The following PI16 variants were observed in gnomAD, a reference collection of about 807,000 sequenced individuals.
PI16 encodes PSP94-binding protein.
PI16 carries 35 observed loss-of-function variants against 38.0 expected under a neutral mutation model. The observed-to-expected ratio is 0.92, with a 90% CI of 0.70 to 1.22. PI16 has a LOEUF of 1.22. Among genes scored for constraint, PI16 ranks in the 50% most tolerant of loss-of-function variants. The pLI, the probability that PI16 is intolerant of heterozygous loss-of-function variation, is 0.00. For synonymous variants in PI16, 275 were observed against 252.9 expected (o/e 1.09, Z -0.83); for missense variants, 572 against 593.8 (o/e 0.96, Z 0.38).
At chr6:36,951,087 A>G (rs778453842), upstream of PI16, among the ~76,000 whole-genome samples, 1 of 152,114 alleles carries the variant, frequency 6.6e-6, no homozygotes, top group Non-Finnish European at 1.5e-5. Context: ...GTGGTATTTC[A>G]CTGTATTTCC....
At chr6:36,948,629 T>TCCTCCTTC (rs376605611) in intron 1 of PI16, among the ~76,000 whole-genome samples, 16 of 53,590 alleles carry the variant, frequency 3.0e-4, no homozygotes, top group African/African-American at 1.3e-3. Context: ...TTTCCTTCCT[T>TCCTCCTTC]CCTCCTTCCC....
chr6:36,964,213 G>C (rs527999227), intron 6 of PI16, among the ~76,000 whole-genome samples, 173 bp from the exon 7 acceptor site: 11 of 152,342 alleles, frequency 7.2e-5, no homozygotes, highest in African/African-American at 2.6e-4. Context: ...AGACTGTTCT[G>C]AGCGGTATTT....
upstream of PI16, among the ~76,000 whole-genome samples, chr6:36,952,877 A>G (rs1389109034): frequency 6.6e-6 from 1 of 152,206 alleles, no homozygotes; most frequent in African/African-American, 2.4e-5. Context: ...GAATCTGTAG[A>G]TTGCTTCAGG....
upstream of PI16, among the ~76,000 whole-genome samples, chr6:36,952,998 G>A (rs574978704): frequency 2.8e-4 from 43 of 152,182 alleles, no homozygotes; most frequent in Admixed American, 5.2e-4. Context: ...GATTTTCAGC[G>A]TACAAGTCTT....
Position 36,961,958 on chromosome 6 carries a change from CA to C in PI16, c.578del (p.Lys193ArgfsTer21), listed in dbSNP as rs1441537337. On this transcript the variant is annotated frameshift_variant, in exon 4 of 7. Transcript: ENST00000373674. LOFTEE classifies it high-confidence loss of function. ...CSQCPSGYHCKNSLCEPIGSP... is the reference protein window; with the variant it reads ...CSQCPSGYHCXNSLCEPIGSP... ...CCCAATGTCCCTCTGGCTACCACTG[CA>C]AGAACTCCCTCTGTGGTGAGTCCAC... 6 of 1,613,758 alleles carry C rather than the reference CA, an allele frequency of 3.7e-6. No homozygotes were observed. The highest frequency in any genetic ancestry group is 5.1e-6 in the Non-Finnish European group (6 of 1,179,762).
rs114551357 is a variant in PI16, at chr6:36,959,024, C to A, written c.172-121C>A. 6,087 of 878,138 alleles carry A rather than the reference C, an allele frequency of 6.9e-3. 38 individuals are homozygous for A. Among genetic ancestry groups the A allele is most frequent in the Middle Eastern group, 0.017 (50 of 2,884 alleles). 54.4% of individuals were successfully genotyped at this position (878,138 alleles called of 1,614,324 possible). A position where few individuals can be genotyped will look rare whatever the true frequency, so the allele number is the denominator to read the frequency against. On this transcript the variant is annotated intron_variant, in intron 1 of 6. Coordinates refer to ENST00000373674, the MANE Select transcript of PI16 (RefSeq NM_153370.3). ...GAGCAGAGACCTGTTCTAGGCCATGCCCAAGAGTCACCCTGCTAAGGAGGT... is the reference window on the plus strand; with the variant it reads ...GAGCAGAGACCTGTTCTAGGCCATGACCAAGAGTCACCCTGCTAAGGAGGT...
chr6:36,951,037 T>C (rs535436169), upstream of PI16, among the ~76,000 whole-genome samples: 2 of 152,326 alleles, frequency 1.3e-5, no homozygotes, highest in African/African-American at 4.8e-5. Context: ...TTTTCTGTTT[T>C]GTTTTGTTTC....
intron 2 of PI16, among the ~76,000 whole-genome samples, chr6:36,959,883 A>AT (rs1318152586): frequency 6.6e-5 from 10 of 150,424 alleles, no homozygotes; most frequent in African/African-American, 2.5e-4. Context: ...AAAAAAAAAA[A>AT]AATTAAATAA....
chr6:36,959,500 GCCCCCTCAGA>G, intron 2 of PI16, 134 bp downstream of exon 2: 1 of 858,840 alleles, frequency 1.2e-6, no homozygotes, highest in South Asian at 1.8e-5. Flanking sequence ...TTCACTCCAA[GCCCCCTCAGA>G]CACTTTGCAA....
At chr6:36,951,961 T>G (rs1222373879), upstream of PI16, among the ~76,000 whole-genome samples, 1 of 151,562 alleles carries the variant, frequency 6.6e-6, no homozygotes, top group Non-Finnish European at 1.5e-5. Context: ...ATCAGATACA[T>G]GATTTGCAAA....
upstream of PI16, chr6:36,954,409 A>G (rs971122103): frequency 2.1e-5 from 4 of 191,820 alleles, no homozygotes; most frequent in South Asian, 1.7e-4. Context: ...TCTCTTATCT[A>G]TCTTCAACAC....
chr6:36,962,226 G>C lies in PI16; in HGVS notation c.592+252G>C, dbSNP rs192149262. Among the ~76,000 whole-genome samples, 2 of 152,192 alleles carry C rather than the reference G, an allele frequency of 1.3e-5. No individual in the cohort carries two copies. The highest frequency in any genetic ancestry group is 6.5e-5 in the Admixed American group (1 of 15,282). ...TAGAAAGTCTGGCGGCTTCGGGGGGGCCCGCGCGAGGTGGGTGTCGCCACA... is the reference window on the plus strand; with the variant it reads ...TAGAAAGTCTGGCGGCTTCGGGGGGCCCCGCGCGAGGTGGGTGTCGCCACA... On this transcript the variant is annotated intron_variant, in intron 4 of 6. Coordinates refer to ENST00000373674, the MANE Select transcript of PI16 (RefSeq NM_153370.3). This position sits in a 1 kb window ranked among gnomAD's most constrained non-coding sequence, Gnocchi z 4.1.
chr6:36,956,938 T>A (rs547056009), intron 1 of PI16, among the ~76,000 whole-genome samples: 74 of 152,164 alleles, frequency 4.9e-4, no homozygotes, highest in Non-Finnish European at 8.8e-4. Context: ...AAGGTTCAAT[T>A]GTCCTTGAAA....
At chr6:36,952,453 T>G (rs1561892651), upstream of PI16, among the ~76,000 whole-genome samples, 2 of 152,236 alleles carry the variant, frequency 1.3e-5, no homozygotes, top group Non-Finnish European at 1.5e-5. Context: ...TGTTTAGGTA[T>G]TTAATCCATT....
At chr6:36,954,730 T>C (rs749696863), upstream of PI16, 11 of 1,595,762 alleles carry the variant, frequency 6.9e-6, no homozygotes, top group Middle Eastern at 1.7e-4. Flanking sequence ...GCCAGACCCC[T>C]GGACGGGAGA....
Position 36,954,930 on chromosome 6 carries a change from T to C in PI16, c.170T>C (p.Met57Thr). Residue 57 changes from methionine (M) to threonine (T), a missense_variant and splice_region_variant, in exon 1 of 7, where the codon ATG becomes ACG. Transcript: ENST00000373674. The part of the protein sequence containing the change: ...VSPTASDMLH[M>T]RWDEELAAFA... ...CCGACGGCCTCAGACATGCTGCACATGGTAAGTGTGGCCACGGCCCTTGCT... is the reference window on the plus strand; with the variant it reads ...CCGACGGCCTCAGACATGCTGCACACGGTAAGTGTGGCCACGGCCCTTGCT... 6.2e-7 allele frequency: 1 copy of C among 1,612,442 alleles called. No individual in the cohort carries two copies. The highest frequency in any genetic ancestry group is 8.5e-7 in the Non-Finnish European group (1 of 1,179,794).
At chr6:36,964,157 C>A (rs916420465) in intron 6 of PI16, among the ~76,000 whole-genome samples, 195 bp downstream of exon 6, 3 of 152,202 alleles carry the variant, frequency 2.0e-5, no homozygotes, top group African/African-American at 7.2e-5. Flanking sequence ...TGGCACTGCC[C>A]CAGGAGTGCC....
intron 2 of PI16, among the ~76,000 whole-genome samples, chr6:36,959,812 G>T (rs1014612031): frequency 1.5e-4 from 22 of 151,334 alleles, no homozygotes; most frequent in African/African-American, 5.3e-4. Flanking sequence ...AGGCTGCAGT[G>T]AGTCGTGATC....
rs1316189044 is a variant in PI16, at chr6:36,962,849, T to C, written c.593-86T>C. On this transcript the variant is annotated intron_variant, in intron 4 of 6. Transcript: ENST00000373674. This position sits in a 1 kb window ranked among gnomAD's most constrained non-coding sequence, Gnocchi z 4.1. ...GTGTTTGTGTGTCCTGGTAGGACAT[T>C]TGGTCGCGTCACTTGGTTTGCAGTG... The C allele has an allele frequency of 8.8e-7, 1 of 1,140,728 alleles. No homozygotes were observed. The highest frequency in any genetic ancestry group is 1.6e-5 in the African/African-American group (1 of 64,162). 70.7% of individuals were successfully genotyped at this position (1,140,728 alleles called of 1,614,324 possible).
Sources: gnomAD v4.1 joint callset for allele counts (sites outside exome capture counted in the v4.1 genomes callset) on GRCh38, gnomAD v4.1.1 for gene constraint, Gnocchi (gnomAD v3.1) non-coding constraint, MANE v1.5 for transcripts, NCBI Gene and HGNC (gene_info 2026-07-23, HGNC 2026-07-21) for gene names.